The following CHN2 variants were observed in gnomAD, a reference collection of about 807,000 sequenced individuals.
CHN2 encodes the protein beta-chimaerin.
CHN2 carries 35 observed loss-of-function variants against 56.3 expected under a neutral mutation model. The ratio of observed to expected loss-of-function variants is 0.62; its 90% CI spans 0.47 to 0.82. CHN2 has a LOEUF of 0.82. Ranked by LOEUF, CHN2 falls within the 40% of genes least tolerant of loss-of-function variation. The pLI, the probability that CHN2 is intolerant of heterozygous loss-of-function variation, is 0.00. For missense variants in CHN2, 491 were observed against 580.5 expected, an observed-to-expected ratio of 0.85 and a Z score of 1.58; for synonymous variants, 210 against 212.8, an observed-to-expected ratio of 0.99 and a Z score of 0.12.
chr7:29,511,774 T>TTTACATCTATTATGAACATTC (rs1262934072), intron 12 of CHN2, among the ~76,000 whole-genome samples: 1 of 152,062 alleles, frequency 6.6e-6, no homozygotes, highest in Non-Finnish European at 1.5e-5. Context: ...CCCATTCCCT[T>TTTACATCTATTATGAACATTC]TTACATCTAT....
intron 6 of CHN2, among the ~76,000 whole-genome samples, chr7:29,469,874 T>C (rs1487289502): frequency 2.6e-5 from 4 of 152,040 alleles, no homozygotes; most frequent in African/African-American, 7.3e-5. Flanking sequence ...TGATAAATAA[T>C]AGATGCTCAA....
intron 6 of CHN2, among the ~76,000 whole-genome samples, chr7:29,463,880 G>A (rs572776921): frequency 6.6e-6 from 1 of 152,316 alleles, no homozygotes; most frequent in African/African-American, 2.4e-5. Context: ...CTGCCTGCCT[G>A]GCACCGACAT....
At chr7:29,380,070 G>C (rs970275826) in intron 3 of CHN2, among the ~76,000 whole-genome samples, 1 of 152,150 alleles carries the variant, frequency 6.6e-6, no homozygotes. Flanking sequence ...TTTTAACTCT[G>C]AATCTGCTGC....
At chr7:29,164,143 G>A (rs1795573352) in intron 2 of CHN2, among the ~76,000 whole-genome samples, 1 of 152,110 alleles carries the variant, frequency 6.6e-6, no homozygotes. Flanking sequence ...AGTTTTAGTT[G>A]CTCCATATCC....
intron 1 of CHN2, chr7:29,292,916 T>C: frequency 2.2e-6 from 1 of 456,306 alleles, no homozygotes; most frequent in South Asian, 1.5e-5. Flanking sequence ...CACTCTTGCC[T>C]CTCTTCAGTC....
chr7:29,453,475 C>A (rs1784541324), intron 6 of CHN2, among the ~76,000 whole-genome samples: 1 of 152,108 alleles, frequency 6.6e-6, no homozygotes, highest in Admixed American at 6.5e-5. Flanking sequence ...AAGTTGTTAC[C>A]CTGGAGGAGG....
intron 1 of CHN2, among the ~76,000 whole-genome samples, chr7:29,339,895 T>C (rs1261297403): frequency 2.0e-5 from 3 of 151,826 alleles, no homozygotes; most frequent in African/African-American, 7.3e-5. Flanking sequence ...AATAATATAA[T>C]ATATATGCCA....
intron 6 of CHN2, among the ~76,000 whole-genome samples, chr7:29,404,872 G>A (rs1802504036): frequency 6.6e-6 from 1 of 151,914 alleles, no homozygotes; most frequent in Non-Finnish European, 1.5e-5. Context: ...GCCAAAAAAA[G>A]CTTTAGCATA....
chr7:29,226,315 T>C (rs900411914), intron 1 of CHN2, among the ~76,000 whole-genome samples: 2 of 152,208 alleles, frequency 1.3e-5, no homozygotes, highest in African/African-American at 4.8e-5. Context: ...AACTAGGTAA[T>C]ACTGGGGATA....
In CHN2 at chr7:29,482,797, C is replaced by CTTTTTTTTTTTTTT. The variant is rs375120538; in HGVS notation, c.654+2470_654+2483dup. ...TGCTAGGTGCTGTCTGCACTTTTTT[C>CTTTTTTTTTTTTTT]TTTTTTTTTTTTTTTTTTTTTTTTT... On this transcript the variant is annotated intron_variant, in intron 7 of 12. Transcript: ENST00000222792. Among the ~76,000 whole-genome samples the CTTTTTTTTTTTTTT allele has an allele frequency of 7.2e-4, 46 of 64,214 alleles. 7 individuals carry two copies. The highest frequency in any genetic ancestry group is 1.4e-3 in the Admixed American group (6 of 4,320). 42.1% of individuals were successfully genotyped at this position (64,214 alleles called of 152,430 possible). A position where few individuals can be genotyped will look rare whatever the true frequency, so the allele number is the denominator to read the frequency against.
chr7:29,332,393 C>T (rs1051152177), intron 1 of CHN2, among the ~76,000 whole-genome samples: 9 of 152,176 alleles, frequency 5.9e-5, no homozygotes, highest in African/African-American at 1.4e-4. Flanking sequence ...AGACAATCCC[C>T]GACTAGTCAG....
At chr7:29,185,301 A>C (rs1798572362) in intron 2 of CHN2, among the ~76,000 whole-genome samples, 1 of 152,208 alleles carries the variant, frequency 6.6e-6, no homozygotes. Context: ...TTCATTGAGA[A>C]GTGTCTTTTA....
intron 1 of CHN2, among the ~76,000 whole-genome samples, chr7:29,280,605 A>C (rs1791625243): frequency 6.6e-6 from 1 of 152,152 alleles, no homozygotes. Context: ...GACACTCTAC[A>C]AGGCACTGGG....
intron 2 of CHN2, among the ~76,000 whole-genome samples, chr7:29,175,550 C>T (rs549367738): frequency 6.6e-6 from 1 of 152,252 alleles, no homozygotes; most frequent in Admixed American, 6.5e-5. Context: ...CCATGTAAGA[C>T]ATTCCTTGCT....
At position 29,425,086 on chromosome 7, in the gene CHN2, C is replaced by T. The variant is rs542157170; in HGVS notation, c.576+24258C>T. Among the ~76,000 whole-genome samples the T allele has an allele frequency of 2.6e-5, 4 of 152,348 alleles. No homozygotes were observed. The South Asian group carries it at 6.2e-4, about 24-fold the overall frequency. On this transcript the variant is annotated intron_variant, in intron 6 of 12. Coordinates refer to ENST00000222792, the MANE Select transcript of CHN2 (RefSeq NM_004067.4). Reference sequence around the variant, plus strand: ...TGGACTGTTTCACACCCTTAACAACCATCTCTATGACAGCCATTGGTGTTG... The same window carrying T: ...TGGACTGTTTCACACCCTTAACAACTATCTCTATGACAGCCATTGGTGTTG...
intron 1 of CHN2, among the ~76,000 whole-genome samples, chr7:29,286,517 C>T (rs578126810): frequency 2.6e-5 from 4 of 152,254 alleles, no homozygotes; most frequent in South Asian, 4.1e-4. Context: ...AGGGGCGAAG[C>T]CAGCGTCTTC....
intron 2 of CHN2, among the ~76,000 whole-genome samples, chr7:29,184,193 A>G (rs1798423529): frequency 6.9e-6 from 1 of 145,872 alleles, no homozygotes; most frequent in Non-Finnish European, 1.5e-5. Flanking sequence ...AGATAGATAG[A>G]TAGATAAAAG....
At chr7:29,501,004 A>G (rs1296313795) in intron 9 of CHN2, among the ~76,000 whole-genome samples, 1 of 152,208 alleles carries the variant, frequency 6.6e-6, no homozygotes, top group Non-Finnish European at 1.5e-5. Context: ...GAGCCTTTCT[A>G]TAAGGCTTAA....
chr7:29,199,465 A>G (rs1311702430), intron 1 of CHN2: 6 of 152,222 alleles, frequency 3.9e-5, no homozygotes, highest in African/African-American at 1.4e-4. Context: ...TCGATAATTA[A>G]ATTTCACATC....
Sources: gnomAD v4.1 joint callset for allele counts (sites outside exome capture counted in the v4.1 genomes callset) on GRCh38, gnomAD v4.1.1 for gene constraint, MANE v1.5 for transcripts, NCBI Gene and HGNC (gene_info 2026-07-23, HGNC 2026-07-21) for gene names.